The following MEOX2 variants were observed in gnomAD, a reference collection of about 807,000 sequenced individuals.
MEOX2 encodes the protein homeobox protein MOX-2.
In MEOX2, 11 loss-of-function variants were observed where a neutral mutation model predicts 27.0. The observed-to-expected ratio is 0.41, with a 90% confidence interval of 0.26 to 0.68. The LOEUF (loss-of-function observed/expected upper bound fraction) is 0.68. Among genes scored for constraint, MEOX2 ranks in the 30% least tolerant of loss-of-function variants. The probability of loss-of-function intolerance (pLI) is 0.33; values close to 1 mark genes in which losing one functional copy is unlikely to be tolerated. For missense variants in MEOX2, 436 were observed against 385.4 expected, an observed-to-expected ratio of 1.13 and a Z score of -1.10; for synonymous variants, 189 against 155.4, an observed-to-expected ratio of 1.22 and a Z score of -1.61.
At chr7:15,629,004 G>A (rs1433771340) in intron 1 of MEOX2, among the ~76,000 whole-genome samples, 1 of 152,032 alleles carries the variant, frequency 6.6e-6, no homozygotes, top group Non-Finnish European at 1.5e-5. Context: ...TATTCTTTAT[G>A]TGGAGACAAT....
chr7:15,639,620 C>T (rs564163320), intron 1 of MEOX2, among the ~76,000 whole-genome samples: 7 of 152,134 alleles, frequency 4.6e-5, no homozygotes, highest in African/African-American at 1.7e-4. Flanking sequence ...ATCTTTGGTA[C>T]ATCTTCAGTT....
intron 1 of MEOX2, among the ~76,000 whole-genome samples, chr7:15,668,479 T>C (rs1463301931): frequency 6.6e-6 from 1 of 152,116 alleles, no homozygotes; most frequent in Non-Finnish European, 1.5e-5. Context: ...AGTTTGTTTT[T>C]GTTTTTGTTT....
chr7:15,672,848 T>C (rs1213358960), intron 1 of MEOX2, among the ~76,000 whole-genome samples: 2 of 150,712 alleles, frequency 1.3e-5, no homozygotes, highest in Non-Finnish European at 2.9e-5. Context: ...GCCGAGATCG[T>C]GCCACCGCAC....
intron 2 of MEOX2, among the ~76,000 whole-genome samples, chr7:15,613,281 A>T (rs1781061567): frequency 6.6e-6 from 1 of 152,028 alleles, no homozygotes; most frequent in African/African-American, 2.4e-5. Flanking sequence ...AAGATTATAT[A>T]CTACATCATT....
intron 1 of MEOX2, among the ~76,000 whole-genome samples, chr7:15,640,904 G>C (rs1256762601): frequency 1.3e-5 from 2 of 152,044 alleles, no homozygotes; most frequent in Non-Finnish European, 2.9e-5. Context: ...TATCTTTTTT[G>C]ATATGTTGCC....
chr7:15,658,021 C>A (rs73288125), intron 1 of MEOX2, among the ~76,000 whole-genome samples: 5,631 of 152,262 alleles, frequency 0.037, 351 homozygotes, highest in African/African-American at 0.13. Context: ...GCTCCCCACT[C>A]GGCCTCTGAT....
At position 15,685,958 on chromosome 7, in the gene MEOX2, A is replaced by G. The variant is rs1446742111; in HGVS notation, c.445T>C (p.Tyr149His). The G allele has an allele frequency of 3.1e-6, 5 of 1,611,080 alleles. No homozygotes were observed. Among genetic ancestry groups the G allele is most frequent in the Non-Finnish European group, 3.4e-6 (4 of 1,179,584 alleles). ...GCAGGTGACAGTGCCTGGCGGCCGT[A>G]GTCCCCCGGCGCGCACGCGGCCCCA... ...PTGAACAPGD[Y>H]GRQALSPAEA... The change falls in exon 1 of 3, where the codon TAC becomes CAC. Residue 149 changes from tyrosine to histidine, a missense_variant. Tyr to His is a moderately conservative substitution (Grantham distance 83). Transcript: ENST00000262041.
intron 1 of MEOX2, among the ~76,000 whole-genome samples, chr7:15,641,370 T>C (rs1290630252): frequency 6.6e-6 from 1 of 151,930 alleles, no homozygotes; most frequent in African/African-American, 2.4e-5. Context: ...TTTTTGTTTG[T>C]TTGTTTGTTT....
chr7:15,634,162 T>C (rs923830960), intron 1 of MEOX2, among the ~76,000 whole-genome samples: 1 of 151,946 alleles, frequency 6.6e-6, no homozygotes, highest in African/African-American at 2.4e-5. Flanking sequence ...TTATACGAAG[T>C]GAAGGAACAT....
intron 2 of MEOX2, among the ~76,000 whole-genome samples, chr7:15,620,658 T>A (rs1156829479): frequency 2.0e-5 from 3 of 152,176 alleles, no homozygotes; most frequent in Non-Finnish European, 4.4e-5. Flanking sequence ...TTAGTAGTCA[T>A]CAAAAAAATG....
chr7:15,658,860 TA>T (rs565064512), intron 1 of MEOX2, among the ~76,000 whole-genome samples: 2 of 152,278 alleles, frequency 1.3e-5, no homozygotes, highest in South Asian at 4.1e-4. Context: ...CTGTGAGAAA[TA>T]AATATTTATT....
intron 1 of MEOX2, among the ~76,000 whole-genome samples, chr7:15,672,182 C>T (rs761106375): frequency 1.4e-4 from 21 of 152,142 alleles, no homozygotes; most frequent in Middle Eastern, 6.8e-3. Context: ...CAACTATTTT[C>T]GCCATTATCC....
intron 1 of MEOX2, among the ~76,000 whole-genome samples, chr7:15,661,988 T>C (rs1219570980): frequency 6.6e-6 from 1 of 151,970 alleles, no homozygotes; most frequent in East Asian, 1.9e-4. Context: ...AGACAGAACT[T>C]TGCAAAGTTA....
intron 2 of MEOX2, among the ~76,000 whole-genome samples, chr7:15,621,696 A>G (rs1781225358): frequency 6.6e-6 from 1 of 152,250 alleles, no homozygotes; most frequent in African/African-American, 2.4e-5. Flanking sequence ...GGTAGCCACA[A>G]ATAACATCAG....
chr7:15,639,894 C>T (rs922791009), intron 1 of MEOX2, among the ~76,000 whole-genome samples: 1 of 151,842 alleles, frequency 6.6e-6, no homozygotes, highest in Non-Finnish European at 1.5e-5. Flanking sequence ...CAGGTAATGT[C>T]ATATCCCCAG....
At chr7:15,683,025 C>T (rs1018411730) in intron 1 of MEOX2, among the ~76,000 whole-genome samples, 2 of 151,936 alleles carry the variant, frequency 1.3e-5, no homozygotes, top group African/African-American at 4.8e-5. Flanking sequence ...AAACATGAAG[C>T]TGCTAGAGTT....
At chr7:15,612,672 T>G in intron 2 of MEOX2, 61 bp from the exon 3 acceptor site, 1 of 1,425,976 alleles carries the variant, frequency 7.0e-7, no homozygotes, top group Admixed American at 1.7e-5. Context: ...TGACATTTTT[T>G]TCTCCTTAGT....
At chr7:15,670,881 A>G (rs1782083431) in intron 1 of MEOX2, among the ~76,000 whole-genome samples, 1 of 152,158 alleles carries the variant, frequency 6.6e-6, no homozygotes, top group Non-Finnish European at 1.5e-5. Context: ...ACTATTCTAA[A>G]CTGGTAATTC....
At chr7:15,677,006 T>A (rs1452225623) in intron 1 of MEOX2, among the ~76,000 whole-genome samples, 1 of 152,070 alleles carries the variant, frequency 6.6e-6, no homozygotes, top group East Asian at 1.9e-4. Flanking sequence ...GGAATGGAAA[T>A]CTTAAGGGTG....
Sources: allele counts gnomAD v4.1 joint callset (sites outside exome capture counted in the v4.1 genomes callset), GRCh38; gene constraint gnomAD v4.1.1; transcripts MANE v1.5; gene names NCBI Gene and HGNC (gene_info 2026-07-23, HGNC 2026-07-21).